Variants in MAPK10 observed in about 807,000 individuals in gnomAD.
The protein encoded by MAPK10 is mitogen-activated protein kinase 10, also known as JNK3 alpha protein kinase.
A neutral mutation model predicts 59.3 loss-of-function variants in MAPK10; 25 were observed. That is an observed-to-expected ratio of 0.42 (90% confidence interval 0.31 to 0.59). The LOEUF is 0.59. Among genes scored for constraint, MAPK10 ranks in the 20% least tolerant of loss-of-function variants. The probability of loss-of-function intolerance (pLI) is 0.15; values close to 1 mark genes in which losing one functional copy is unlikely to be tolerated. For missense variants in MAPK10, 351 were observed against 568.9 expected (o/e 0.62, Z 3.90); for synonymous variants, 190 against 200.5 (o/e 0.95, Z 0.44).
chr4:86,049,362 T>A (rs1279396737), intron 11 of MAPK10, among the ~76,000 whole-genome samples: 4 of 151,904 alleles, frequency 2.6e-5, no homozygotes, highest in African/African-American at 9.7e-5. Context: ...TAATGTATTA[T>A]ATACATTATT....
At chr4:86,085,933 G>C (rs866290000) in intron 9 of MAPK10, among the ~76,000 whole-genome samples, 1 of 152,074 alleles carries the variant, frequency 6.6e-6, no homozygotes, top group Non-Finnish European at 1.5e-5. Context: ...GACAAACACT[G>C]CATGTTCTCA....
chr4:86,547,428 G>A (rs540166112), intron 1 of MAPK10, among the ~76,000 whole-genome samples: 4 of 152,376 alleles, frequency 2.6e-5, no homozygotes, highest in Admixed American at 2.0e-4. Context: ...GCAGTGAGGG[G>A]TTTAGCACCT....
At chr4:86,357,943 C>T (rs2869433) in intron 1 of MAPK10, 92,247 of 294,348 alleles carry the variant, frequency 0.31, 15,723 homozygotes, top group Non-Finnish European at 0.36. Flanking sequence ...TTTAAGGTCA[C>T]ACCACCTTTG....
At chr4:86,018,826 A>G (rs1744750189) in intron 13 of MAPK10, among the ~76,000 whole-genome samples, 1 of 152,206 alleles carries the variant, frequency 6.6e-6, no homozygotes, top group African/African-American at 2.4e-5. Flanking sequence ...AGTGTGCAAG[A>G]TCTATTTGGT....
chr4:86,226,449 A>T (rs1339258452), intron 2 of MAPK10, among the ~76,000 whole-genome samples: 1 of 152,256 alleles, frequency 6.6e-6, no homozygotes, highest in Non-Finnish European at 1.5e-5. Context: ...AGGTTAAAAG[A>T]TCACTAATTT....
At chr4:86,051,118 A>G (rs1370081602) in intron 11 of MAPK10, among the ~76,000 whole-genome samples, 1 of 152,166 alleles carries the variant, frequency 6.6e-6, no homozygotes, top group African/African-American at 2.4e-5. Flanking sequence ...GTGGGTCATT[A>G]TTCTACAAAC....
chr4:86,551,485 A>G (rs2149100121), intron 1 of MAPK10, among the ~76,000 whole-genome samples: 1 of 152,254 alleles, frequency 6.6e-6, no homozygotes, highest in South Asian at 2.1e-4. Context: ...CTCTTCAAAG[A>G]ATAACATGAG....
intron 3 of MAPK10, among the ~76,000 whole-genome samples, chr4:86,180,265 A>C (rs1278843188): frequency 1.3e-5 from 2 of 152,036 alleles, no homozygotes; most frequent in Non-Finnish European, 2.9e-5. Flanking sequence ...AAAACTACAA[A>C]TCAAAACCAC....
At chr4:86,328,927 G>A (rs769789948) in intron 2 of MAPK10, among the ~76,000 whole-genome samples, 6 of 152,088 alleles carry the variant, frequency 3.9e-5, no homozygotes, top group Non-Finnish European at 7.4e-5. Context: ...TAGATGATGG[G>A]TTAATAGCTG....
intron 9 of MAPK10, chr4:86,079,353 C>T (rs1281752103): frequency 6.6e-6 from 1 of 152,128 alleles, no homozygotes; most frequent in African/African-American, 2.4e-5. Context: ...AATGGAGAGA[C>T]ATGTAACATA....
chr4:86,573,013 A>C (rs1225340437), intron 1 of MAPK10, among the ~76,000 whole-genome samples: 1 of 152,192 alleles, frequency 6.6e-6, no homozygotes, highest in Non-Finnish European at 1.5e-5. Flanking sequence ...AAAGTTCTTC[A>C]TATATTCTGG....
At chr4:86,433,281 G>T (rs1379871399) in intron 1 of MAPK10, among the ~76,000 whole-genome samples, 2 of 152,040 alleles carry the variant, frequency 1.3e-5, no homozygotes, top group African/African-American at 4.8e-5. Flanking sequence ...AACAGGAGCT[G>T]CCTCCCCAAC....
intron 2 of MAPK10, among the ~76,000 whole-genome samples, chr4:86,330,014 G>A (rs754975736): frequency 1.1e-4 from 17 of 152,216 alleles, no homozygotes; most frequent in Middle Eastern, 3.4e-3. Flanking sequence ...TCAGTTTGGT[G>A]GGCCGGCAAA....
intron 1 of MAPK10, among the ~76,000 whole-genome samples, chr4:86,469,732 C>A (rs1012773414): frequency 7.2e-5 from 11 of 152,094 alleles, no homozygotes; most frequent in African/African-American, 2.7e-4. Context: ...ATTCTTTCAC[C>A]AGGATGTGCC....
intron 3 of MAPK10, among the ~76,000 whole-genome samples, chr4:86,166,105 C>A (rs1041454464): frequency 3.8e-4 from 58 of 152,292 alleles, no homozygotes; most frequent in African/African-American, 1.3e-3. Context: ...TGCTTGAATA[C>A]TTATTAGGCA....
rs1227387177 is a variant in MAPK10, at chr4:86,137,351, A to G, written c.236+21947T>C. On this transcript the variant is annotated intron_variant, in intron 4 of 13. Transcript: ENST00000641462. ...CAAACTATCTCTCAGACCACAGTGC[A>G]ATCAAACTAGAACTCAGGATTAAGA... Among the ~76,000 whole-genome samples, 6 of 147,856 alleles carry G rather than the reference A, an allele frequency of 4.1e-5. No individual in the cohort carries two copies. The East Asian group carries it at 1.2e-3, about 29-fold the overall frequency.
At chr4:86,451,696 T>C (rs1294908943) in intron 1 of MAPK10, among the ~76,000 whole-genome samples, 2 of 152,172 alleles carry the variant, frequency 1.3e-5, no homozygotes, top group South Asian at 2.1e-4. Context: ...GCCTGAGTTA[T>C]GTGCAACCCA....
intron 11 of MAPK10, among the ~76,000 whole-genome samples, chr4:86,056,000 A>G (rs2044477023): frequency 6.7e-6 from 1 of 150,164 alleles, no homozygotes. Context: ...CAAAAACTGT[A>G]GTTTCAGAAT....
At chr4:86,556,025 T>A (rs1017029733) in intron 1 of MAPK10, among the ~76,000 whole-genome samples, 2 of 152,190 alleles carry the variant, frequency 1.3e-5, no homozygotes, top group Admixed American at 1.3e-4. Flanking sequence ...ATTTCAATGG[T>A]TTGAGCCATA....
Sources: allele counts gnomAD v4.1 joint callset (sites outside exome capture counted in the v4.1 genomes callset), GRCh38; gene constraint gnomAD v4.1.1; transcripts MANE v1.5; gene names NCBI Gene and HGNC (gene_info 2026-07-23, HGNC 2026-07-21).